Variants in NCOR1 observed in about 807,000 individuals in gnomAD.
The protein encoded by NCOR1 is nuclear receptor corepressor 1.
NCOR1 carries 63 observed loss-of-function variants against 288.1 expected under a neutral mutation model. The ratio of observed to expected loss-of-function variants is 0.22; its 90% CI spans 0.18 to 0.27. NCOR1 has a LOEUF of 0.27. NCOR1 is among the 10% of genes least tolerant of loss of function. The pLI is 1.00. For synonymous variants in NCOR1, 1,007 were observed against 1,065.9 expected (o/e 0.94, Z 1.08); for missense variants, 2,397 against 3,019.2 (o/e 0.79, Z 4.83).
At chr17:16,184,340 T>C (rs78507152) in intron 3 of NCOR1, among the ~76,000 whole-genome samples, 1,527 of 152,266 alleles carry the variant, frequency 0.01, 25 homozygotes, top group African/African-American at 0.035. Flanking sequence ...ATCCAGAATT[T>C]ATAAAGAACT....
chr17:16,054,893 T>C (rs978651212), intron 40 of NCOR1, among the ~76,000 whole-genome samples: 2 of 152,064 alleles, frequency 1.3e-5, no homozygotes, highest in African/African-American at 2.4e-5. Flanking sequence ...GATCACACCA[T>C]TGCACTCTAG....
At chr17:16,077,667 GCTTT>G (rs2062773802) in intron 26 of NCOR1, among the ~76,000 whole-genome samples, 1 of 152,008 alleles carries the variant, frequency 6.6e-6, no homozygotes, top group East Asian at 1.9e-4. Context: ...GAAAGAAAAT[GCTTT>G]CTAAGAGTTT....
chr17:16,212,930 A>T (rs2092266726), intron 1 of NCOR1, among the ~76,000 whole-genome samples: 1 of 151,766 alleles, frequency 6.6e-6, no homozygotes, highest in Non-Finnish European at 1.5e-5. Flanking sequence ...AAAATTAACC[A>T]GGCGTGGTGG....
chr17:16,109,412 T>G (rs1430250068), intron 18 of NCOR1, among the ~76,000 whole-genome samples: 1 of 152,108 alleles, frequency 6.6e-6, no homozygotes, highest in East Asian at 1.9e-4. Context: ...TATGTATACA[T>G]GTAAACACAA....
intron 40 of NCOR1, among the ~76,000 whole-genome samples, chr17:16,049,635 G>A (rs1427889589): frequency 6.6e-6 from 1 of 150,690 alleles, no homozygotes; most frequent in African/African-American, 2.4e-5. Context: ...AGCCTGGAGT[G>A]CAGTGGTGTG....
chr17:16,080,016 G>A lies in NCOR1; in HGVS notation c.3449C>T (p.Thr1150Ile). 6.2e-7 allele frequency: 1 copy of A among 1,614,064 alleles called. No individual in the cohort carries two copies. Among genetic ancestry groups the A allele is most frequent in the Non-Finnish European group, 8.5e-7 (1 of 1,180,008 alleles). ...QEGSITRGTPTSKISVESIPS... is the reference protein window; with the variant it reads ...QEGSITRGTPISKISVESIPS... ...AATGCTCTCCACTGAAATTTTGCTG[G>A]TTGGAGTTCCCCGAGTTATACTTCC... Residue 1150 changes from threonine to isoleucine, a missense_variant, in exon 26 of 46, where the codon ACC (threonine) becomes ATC (isoleucine). Transcript: ENST00000268712.
chr17:16,119,649 T>G (rs2072566038), intron 16 of NCOR1, among the ~76,000 whole-genome samples, 164 bp from the exon 17 acceptor site: 1 of 152,202 alleles, frequency 6.6e-6, no homozygotes, highest in African/African-American at 2.4e-5. Context: ...TCCACCAAAC[T>G]AGAAGAAACA....
At chr17:16,106,455 A>T (rs1196951979) in intron 19 of NCOR1, among the ~76,000 whole-genome samples, 3 of 152,026 alleles carry the variant, frequency 2.0e-5, no homozygotes, top group Non-Finnish European at 4.4e-5. Flanking sequence ...AACCTTAAAG[A>T]ATGATGTAGA....
At chr17:16,058,655 C>A in intron 37 of NCOR1, 56 bp from the exon 38 acceptor site, 1 of 1,519,760 alleles carries the variant, frequency 6.6e-7, no homozygotes, top group South Asian at 1.2e-5. Context: ...TTTCTGAAGT[C>A]TAAGTTCTTC....
In NCOR1 at chr17:16,080,074, A is replaced by G. The variant is rs1376384422; in HGVS notation, c.3401-10T>C. 2 of 1,611,486 alleles carry G rather than the reference A, an allele frequency of 1.2e-6. No individual in the cohort carries two copies. The highest frequency in any genetic ancestry group is 2.2e-5 in the South Asian group (2 of 91,020). On this transcript the variant is annotated splice_polypyrimidine_tract_variant and intron_variant, in intron 25 of 45. Transcript: ENST00000268712. Reference sequence around the variant, plus strand: ...ATGGCTCCTGCGGTACCTGAATACAAACAAAGCTATTAGCAAATTACACCC... The same window carrying G: ...ATGGCTCCTGCGGTACCTGAATACAGACAAAGCTATTAGCAAATTACACCC...
At chr17:16,140,199 ATCAG>A (rs1011279429) in intron 11 of NCOR1, among the ~76,000 whole-genome samples, 3 of 152,218 alleles carry the variant, frequency 2.0e-5, no homozygotes, top group Non-Finnish European at 4.4e-5. Context: ...TCCTCATGGA[ATCAG>A]TCAAAGAGCA....
intron 41 of NCOR1, among the ~76,000 whole-genome samples, chr17:16,047,811 A>G (rs1221458445): frequency 6.6e-6 from 1 of 152,226 alleles, no homozygotes; most frequent in Non-Finnish European, 1.5e-5. Flanking sequence ...GGATTCAGTC[A>G]TCATTCAAAC....
At chr17:16,192,933 T>C (rs928328023) in intron 2 of NCOR1, among the ~76,000 whole-genome samples, 5 of 152,122 alleles carry the variant, frequency 3.3e-5, no homozygotes, top group South Asian at 2.1e-4. Flanking sequence ...AAAGAGGCCA[T>C]AGACAGAATA....
At chr17:16,168,006 C>G (rs1364348249) in intron 4 of NCOR1, among the ~76,000 whole-genome samples, 3 of 151,398 alleles carry the variant, frequency 2.0e-5, no homozygotes, top group African/African-American at 7.3e-5. Context: ...AATAAACCAA[C>G]AGAAAAATGG....
chr17:16,040,890 TAAAA>T (rs889228634), intron 42 of NCOR1: 130 of 189,156 alleles, frequency 6.9e-4, no homozygotes, highest in South Asian at 1.2e-3. Flanking sequence ...AATAAATAAA[TAAAA>T]AAAGAAGCAG....
At chr17:16,095,213 C>T (rs890093461) in intron 21 of NCOR1, among the ~76,000 whole-genome samples, 5 of 150,646 alleles carry the variant, frequency 3.3e-5, no homozygotes, top group African/African-American at 7.3e-5. Flanking sequence ...GCCTCTACCC[C>T]GCCGCCCCGT....
rs2152548549 is a variant in NCOR1, at chr17:16,057,513, C to T, written c.6392+1G>A. ...TATATAATTTGGAATAAAGATCATACCTTCCCCTGGATTTGTCCACAAGAT... is the reference window on the plus strand; with the variant it reads ...TATATAATTTGGAATAAAGATCATATCTTCCCCTGGATTTGTCCACAAGAT... On this transcript the variant is annotated splice_donor_variant, in intron 40 of 45. Transcript: ENST00000268712. LOFTEE classifies it high-confidence loss of function. 1 of 1,612,408 alleles carries T rather than the reference C, an allele frequency of 6.2e-7. No individual in the cohort carries two copies. Among genetic ancestry groups the T allele is most frequent in the Non-Finnish European group, 8.5e-7 (1 of 1,178,478 alleles).
intron 44 of NCOR1, chr17:16,039,207 A>G: frequency 1.8e-6 from 1 of 541,196 alleles, no homozygotes; most frequent in East Asian, 3.2e-5. Context: ...TGGACATCCC[A>G]GGAGGGTGAC....
intron 14 of NCOR1, 108 bp downstream of exon 14, chr17:16,137,203 C>A: frequency 1.8e-6 from 1 of 565,970 alleles, no homozygotes; most frequent in South Asian, 2.8e-5. Flanking sequence ...TTAACAGAAA[C>A]ATCAATGTTT....
Sources: allele counts gnomAD v4.1 joint callset (sites outside exome capture counted in the v4.1 genomes callset), GRCh38; gene constraint gnomAD v4.1.1; transcripts MANE v1.5; gene names NCBI Gene and HGNC (gene_info 2026-07-23, HGNC 2026-07-21).